Variants in TACC2 observed in about 807,000 individuals in gnomAD.
TACC2 encodes the protein transforming acidic coiled-coil-containing protein 2.
A neutral mutation model predicts 227.3 loss-of-function variants in TACC2; 137 were observed. That is an observed-to-expected ratio of 0.60 (90% CI 0.52 to 0.69). The LOEUF is 0.69. Ranked by LOEUF, TACC2 falls within the 30% of genes least tolerant of loss-of-function variation. The probability of loss-of-function intolerance (pLI) is 0.00; values close to 1 mark genes in which losing one functional copy is unlikely to be tolerated. For synonymous variants in TACC2, 1,523 were observed against 1,487.5 expected (o/e 1.02, Z -0.55); for missense variants, 3,470 against 3,694.4 (o/e 0.94, Z 1.57).
intron 16 of TACC2, among the ~76,000 whole-genome samples, chr10:122,234,473 A>C (rs1399639158): frequency 6.6e-6 from 1 of 152,260 alleles, no homozygotes; most frequent in East Asian, 1.9e-4. Flanking sequence ...TAATCTAAAA[A>C]TGTCTGATCT....
rs1360412716 is a variant in TACC2, at chr10:122,254,051, A to G, written c.8842A>G (p.Ser2948Gly). The change falls in exon 23 of 23, where the codon AGC becomes GGC. Residue 2948 changes from serine to glycine, a missense_variant. Coordinates refer to ENST00000369005, the MANE Select transcript of TACC2 (RefSeq NM_206862.4). Reference protein sequence around the residue: ...CDELIAKMGKS With the variant: ...CDELIAKMGKG ...CGAACTGATTGCCAAAATGGGGAAA[A>G]GCTAACTCTGAACCGAATGTTTTGG... 1 of 1,614,024 alleles carries G rather than the reference A, an allele frequency of 6.2e-7. No homozygotes were observed. Among genetic ancestry groups the G allele is most frequent in the African/African-American group, 1.3e-5 (1 of 74,942 alleles).
chr10:122,189,618 T>C (rs959767600), intron 7 of TACC2, among the ~76,000 whole-genome samples: 11 of 152,226 alleles, frequency 7.2e-5, no homozygotes, highest in African/African-American at 2.7e-4. Context: ...ATCACTTTCA[T>C]GTTGGGAGCT....
At chr10:122,133,270 C>T (rs758869914) in intron 6 of TACC2, among the ~76,000 whole-genome samples, 3 of 152,158 alleles carry the variant, frequency 2.0e-5, no homozygotes, top group Admixed American at 6.5e-5. Flanking sequence ...AGCCTCCCTT[C>T]GTTTTGCTCT....
chr10:122,251,774 C>G (rs377635809), intron 22 of TACC2, among the ~76,000 whole-genome samples: 48 of 152,308 alleles, frequency 3.2e-4, no homozygotes, highest in African/African-American at 9.1e-4. Flanking sequence ...GTTGAACATA[C>G]AATGTTTCTT....
chr10:122,245,669 C>T (rs2096095258), intron 19 of TACC2, among the ~76,000 whole-genome samples: 1 of 152,126 alleles, frequency 6.6e-6, no homozygotes, highest in African/African-American at 2.4e-5. Flanking sequence ...TCTTCGCAAG[C>T]CACTGTGACA....
In TACC2 at chr10:122,224,747, A is replaced by G. The variant is rs373895280; in HGVS notation, c.7568A>G (p.Tyr2523Cys). 13 of 1,613,918 alleles carry G rather than the reference A, an allele frequency of 8.1e-6. No individual in the cohort carries two copies. The highest frequency in any genetic ancestry group is 1.6e-4 in the Middle Eastern group (1 of 6,084). Reference protein sequence around the residue: ...PTEELDYRNSYEIEYMEKIGS... With the variant: ...PTEELDYRNSCEIEYMEKIGS... ...GCAGAGTTGGATTACAGAAACTCCT[A>G]TGAAATTGAATATATGGAGAAAATT... The change falls in exon 12 of 23, where the codon TAT becomes TGT. Residue 2523 changes from tyrosine to cysteine, a missense_variant. Coordinates refer to ENST00000369005, the MANE Select transcript of TACC2 (RefSeq NM_206862.4).
At chr10:122,012,754 G>T (rs1278312284) in intron 1 of TACC2, among the ~76,000 whole-genome samples, 1 of 152,132 alleles carries the variant, frequency 6.6e-6, no homozygotes, top group Non-Finnish European at 1.5e-5. Context: ...CCACAGAAGT[G>T]AACCTCAGAG....
chr10:122,214,017 A>G (rs1381676082), intron 9 of TACC2, among the ~76,000 whole-genome samples: 1 of 152,146 alleles, frequency 6.6e-6, no homozygotes, highest in Non-Finnish European at 1.5e-5. Context: ...GCCACTTGTC[A>G]GTAGAAACAG....
chr10:122,127,455 G>T lies in TACC2; in HGVS notation c.5574-5154G>T, dbSNP rs905115593. On this transcript the variant is annotated intron_variant, in intron 5 of 22. Transcript: ENST00000369005. ...CAGTCTCTGAAAGGGGTGACTCATG[G>T]CCCTTTGCAGAAGCACTTGTTGATA... Among the ~76,000 whole-genome samples the T allele has an allele frequency of 6.6e-5, 10 of 152,202 alleles. 1 individual carries two copies. The highest frequency in any genetic ancestry group is 1.5e-5 in the Non-Finnish European group (1 of 68,040).
At chr10:122,060,288 G>C (rs1437395212) in intron 3 of TACC2, among the ~76,000 whole-genome samples, 1 of 152,104 alleles carries the variant, frequency 6.6e-6, no homozygotes, top group Non-Finnish European at 1.5e-5. Context: ...GGCGGTCAAA[G>C]AAGGGGCCCA....
In TACC2 at chr10:122,105,235, T is replaced by C. The variant is rs531611456; in HGVS notation, c.5573+16644T>C. On this transcript the variant is annotated intron_variant, in intron 5 of 22. Coordinates refer to ENST00000369005, the MANE Select transcript of TACC2 (RefSeq NM_206862.4). ...CCCAGCTCCCAGCAAGGAACCAGTA[T>C]GCTCTGTGTCTGGGGAGTGTTTGGC... 8.8e-5 allele frequency among the ~76,000 whole-genome samples: 12 copies of C among 136,564 alleles called. No individual in the cohort carries two copies. In the East Asian group the frequency reaches 1.8e-3, roughly 20 times the overall value. The allele number at this position is 136,564 out of a possible 152,430, so 89.6% of individuals were successfully genotyped here.
intron 7 of TACC2, among the ~76,000 whole-genome samples, chr10:122,161,007 A>G (rs947407108): frequency 3.3e-5 from 5 of 152,100 alleles, no homozygotes; most frequent in African/African-American, 1.2e-4. Context: ...CAGTGGCACG[A>G]TCATGGCTCA....
At chr10:122,060,865 C>T (rs2459088) in intron 3 of TACC2, among the ~76,000 whole-genome samples, 106,178 of 151,128 alleles carry the variant, frequency 0.7, 38,466 homozygotes, top group Non-Finnish European at 0.8. Flanking sequence ...ATTAGCCGGG[C>T]GTGGTGGCGC....
Position 122,058,690 on chromosome 10 carries a change from G to A in TACC2, c.146+8140G>A, listed in dbSNP as rs537210021. On this transcript the variant is annotated intron_variant, in intron 3 of 22. Transcript: ENST00000369005. Reference sequence around the variant, plus strand: ...CCAAAGTGCTGGGATTTGCAGGCATGAGCCACCGTGCCTGGCCACTGCAAC... The same window carrying A: ...CCAAAGTGCTGGGATTTGCAGGCATAAGCCACCGTGCCTGGCCACTGCAAC... 2.3e-4 allele frequency among the ~76,000 whole-genome samples: 35 copies of A among 152,000 alleles called. 1 individual carries two copies. In the South Asian group the frequency reaches 7.1e-3, roughly 31 times the overall value.
At chr10:122,169,773 C>T (rs1043937780) in intron 7 of TACC2, among the ~76,000 whole-genome samples, 3 of 152,022 alleles carry the variant, frequency 2.0e-5, no homozygotes, top group Admixed American at 2.0e-4. Context: ...TTTTTTGAGA[C>T]AGGGTCTCGC....
chr10:122,074,703 T>C (rs1163961524), intron 3 of TACC2, among the ~76,000 whole-genome samples: 14 of 152,108 alleles, frequency 9.2e-5, no homozygotes, highest in Non-Finnish European at 1.9e-4. Flanking sequence ...ACCAGACTTA[T>C]GATTGATGGA....
rs138162632 is a variant in TACC2, at chr10:122,083,388, G to A, written c.888G>A (p.Pro296=). 176 of 1,613,748 alleles carry A rather than the reference G, an allele frequency of 1.1e-4. No homozygotes were observed. The highest frequency in any genetic ancestry group is 8.7e-4 in the African/African-American group (65 of 74,920). ...GAGAAAGAGGCCAAGGGGAGGCGCCGCCTCAGTATTTAACAGATGACTTGG... is the reference window on the plus strand; with the variant it reads ...GAGAAAGAGGCCAAGGGGAGGCGCCACCTCAGTATTTAACAGATGACTTGG... The part of the protein sequence containing the change: ...SDRERGQGEA[P]PQYLTDDLEF... Residue 296 remains proline, a synonymous_variant, in exon 4 of 23, where the codon CCG becomes CCA. Transcript: ENST00000369005.
At chr10:122,042,084 C>T (rs897057007) in intron 2 of TACC2, among the ~76,000 whole-genome samples, 10 of 150,294 alleles carry the variant, frequency 6.7e-5, no homozygotes, top group Admixed American at 1.3e-4. Flanking sequence ...TAGCTGGGAC[C>T]ACAGGCGCCC....
At chr10:122,060,678 C>G (rs972829396) in intron 3 of TACC2, among the ~76,000 whole-genome samples, 2 of 152,156 alleles carry the variant, frequency 1.3e-5, no homozygotes, top group African/African-American at 4.8e-5. Flanking sequence ...GCTAGAGATG[C>G]CAGGACTTGC....
Sources: allele counts gnomAD v4.1 joint callset (sites outside exome capture counted in the v4.1 genomes callset), GRCh38; gene constraint gnomAD v4.1.1; transcripts MANE v1.5; gene names NCBI Gene and HGNC (gene_info 2026-07-23, HGNC 2026-07-21).